The following USP25 variants were observed in gnomAD, a reference collection of about 807,000 sequenced individuals.
USP25 encodes ubiquitin carboxyl-terminal hydrolase 25.
USP25 carries 85 observed loss-of-function variants against 158.5 expected under a neutral mutation model. That is an observed-to-expected ratio of 0.54 (90% CI 0.45 to 0.64). The LOEUF (loss-of-function observed/expected upper bound fraction) is 0.64, where lower values mean the gene tolerates loss of function less well. USP25 is among the 30% of genes least tolerant of loss of function. USP25 has a pLI of 0.00. For synonymous variants in USP25, 464 were observed against 460.4 expected, an observed-to-expected ratio of 1.01 and a Z score of -0.10; for missense variants, 1,242 against 1,327.3, an observed-to-expected ratio of 0.94 and a Z score of 1.00.
At chr21:15,740,114 G>T (rs2031896318) in intron 1 of USP25, among the ~76,000 whole-genome samples, 1 of 152,152 alleles carries the variant, frequency 6.6e-6, no homozygotes, top group African/African-American at 2.4e-5. Context: ...GGTTTTTATG[G>T]ACTGTCTTAA....
chr21:15,839,456 C>T (rs1165152918), intron 17 of USP25, among the ~76,000 whole-genome samples: 5 of 152,088 alleles, frequency 3.3e-5, no homozygotes, highest in African/African-American at 1.2e-4. Flanking sequence ...CGTGAGCCTT[C>T]CATACAGAAC....
rs1300805421 is a variant in USP25, at chr21:15,849,806, TATC to T, written c.2484_2486del (p.Ile828del). On this transcript the variant is annotated inframe_deletion, in exon 20 of 26. Transcript: ENST00000400183. ...TGATGACACCGAACATGCAAGGTATTATCATGGCGATAGGTAAATCCAGGAGTG... is the reference window on the plus strand; with the variant it reads ...TGATGACACCGAACATGCAAGGTATTATGGCGATAGGTAAATCCAGGAGTG... 6 of 1,544,352 alleles carry T rather than the reference TATC, an allele frequency of 3.9e-6. No homozygotes were observed. In the African/African-American group the frequency reaches 5.5e-5, roughly 14 times the overall value.
At chr21:15,778,985 T>G (rs1475360423) in intron 4 of USP25, among the ~76,000 whole-genome samples, 6 of 152,106 alleles carry the variant, frequency 3.9e-5, no homozygotes, top group Non-Finnish European at 8.8e-5. Context: ...CAATAGGAGA[T>G]TTCTTTCCAA....
intron 1 of USP25, among the ~76,000 whole-genome samples, chr21:15,758,250 C>G (rs1348025301): frequency 6.6e-6 from 1 of 152,160 alleles, no homozygotes; most frequent in Admixed American, 6.5e-5. Context: ...TTAGTCTGTT[C>G]TCACGCTGCT....
rs186087844 is a variant in USP25, at chr21:15,840,486, A to T, written c.2195-1912A>T. On this transcript the variant is annotated intron_variant, in intron 17 of 25. Transcript: ENST00000400183. ...AATGCAATTTGAATTTTTTGTTTCC[A>T]ATCTCCCAGGGTGTCAAATATTGTA... Among the ~76,000 whole-genome samples the T allele has an allele frequency of 3.3e-3, 502 of 152,246 alleles. 2 individuals are homozygous for T. Among genetic ancestry groups the T allele is most frequent in the Admixed American group, 5.4e-3 (83 of 15,276 alleles).
At chr21:15,846,154 ATATATTT>A (rs2038598332) in intron 18 of USP25, among the ~76,000 whole-genome samples, 3 of 43,548 alleles carry the variant, frequency 6.9e-5, no homozygotes, top group African/African-American at 2.3e-4. Context: ...ATATATATAT[ATATATTT>A]TTTTTTTTTT....
In USP25 at chr21:15,878,792, C is replaced by T. The variant is rs565255574; in HGVS notation, c.*317C>T. ...TTATCTTTTCTTTCTCAACAGCTTT[C>T]CATTCAGTCTGGATCCTTCCATGAC... On this transcript the variant is annotated 3_prime_UTR_variant, in exon 26 of 26. Transcript: ENST00000400183. 9 of 233,774 alleles carry T rather than the reference C, an allele frequency of 3.8e-5. No individual in the cohort carries two copies. The highest frequency in any genetic ancestry group is 1.6e-3 in the Middle Eastern group (1 of 628). 14.5% of individuals were successfully genotyped at this position (233,774 alleles called of 1,614,324 possible). A position where few individuals can be genotyped will look rare whatever the true frequency, so the allele number is the denominator to read the frequency against.
intron 7 of USP25, among the ~76,000 whole-genome samples, chr21:15,806,626 G>A (rs573662563): frequency 3.3e-5 from 5 of 152,226 alleles, no homozygotes; most frequent in Non-Finnish European, 7.4e-5. Context: ...GATTAGCAGT[G>A]TAGACTAACT....
chr21:15,854,136 G>GTTTGTTTTGT (rs755597116), intron 20 of USP25, among the ~76,000 whole-genome samples: 60 of 149,250 alleles, frequency 4.0e-4, no homozygotes, highest in Middle Eastern at 3.4e-3. Context: ...GGGAAAAGTT[G>GTTTGTTTTGT]TTTGTTTTGT....
intron 10 of USP25, among the ~76,000 whole-genome samples, chr21:15,820,853 T>C (rs538410290): frequency 6.6e-6 from 1 of 152,078 alleles, no homozygotes; most frequent in African/African-American, 2.4e-5. Context: ...CCAACTAATA[T>C]ATAGGAAGAC....
In USP25 at chr21:15,866,344, G is replaced by A. The variant is rs377745298; in HGVS notation, c.2805G>A (p.Glu935=). The change falls in exon 22 of 26, where the codon GAG becomes GAA. Residue 935 remains glutamate, a splice_region_variant and synonymous_variant. Coordinates refer to ENST00000400183, the MANE Select transcript of USP25 (RefSeq NM_001283041.3). ...AAGAAGTAAACTTGGAGGAATATGAGGTAATGTGCTTTCTTAGAGGTTAAA... is the reference window on the plus strand; with the variant it reads ...AAGAAGTAAACTTGGAGGAATATGAAGTAATGTGCTTTCTTAGAGGTTAAA... The part of the protein sequence containing the change: ...KPEEVNLEEY[E]EWHQDYRKFR... The A allele has an allele frequency of 9.4e-6, 15 of 1,597,946 alleles. No individual in the cohort carries two copies. The highest frequency in any genetic ancestry group is 1.3e-5 in the Non-Finnish European group (15 of 1,172,630).
chr21:15,760,262 T>G (rs1438154183), intron 1 of USP25, among the ~76,000 whole-genome samples: 2 of 152,216 alleles, frequency 1.3e-5, no homozygotes, highest in Admixed American at 6.5e-5. Context: ...TCTCATTCAT[T>G]TGGGAGACAC....
intron 7 of USP25, chr21:15,805,743 A>G (rs1174006389): frequency 6.6e-6 from 1 of 152,214 alleles, no homozygotes; most frequent in South Asian, 2.1e-4. Flanking sequence ...TAAAAAATAC[A>G]AAATATCTAT....
Position 15,830,536 on chromosome 21 carries a change from C to T in USP25, c.1699C>T (p.Gln567Ter). ...TEIENDTRDL[Q>*]ESISRIHRTI... ...ATGACACCTTATATCCTTAGATTTG[C>T]AGGAAAGCATATCCAGAATCCATCG... Residue 567 changes from glutamine to a stop codon, truncating the protein, a stop_gained, in exon 15 of 26, where the codon CAG becomes TAG. Transcript: ENST00000400183. LOFTEE classifies it high-confidence loss of function. 6.2e-7 allele frequency: 1 copy of T among 1,603,294 alleles called. No homozygotes were observed. The highest frequency in any genetic ancestry group is 8.5e-7 in the Non-Finnish European group (1 of 1,175,198).
intron 1 of USP25, among the ~76,000 whole-genome samples, chr21:15,759,960 G>A (rs1211891615): frequency 6.6e-6 from 1 of 152,172 alleles, no homozygotes; most frequent in Non-Finnish European, 1.5e-5. Context: ...GACTTTGTTT[G>A]TGTACTTTAT....
At chr21:15,867,761 T>G (rs1377477150) in intron 22 of USP25, among the ~76,000 whole-genome samples, 1 of 152,090 alleles carries the variant, frequency 6.6e-6, no homozygotes, top group Admixed American at 6.6e-5. Flanking sequence ...TTTACAATAG[T>G]ATCTGAAACT....
At chr21:15,828,672 T>C (rs920790580) in intron 14 of USP25, among the ~76,000 whole-genome samples, 6 of 152,212 alleles carry the variant, frequency 3.9e-5, no homozygotes, top group African/African-American at 9.6e-5. Context: ...GGAGTCTCGC[T>C]CTGTCACCAG....
In USP25 at chr21:15,878,526, C is replaced by A; in HGVS notation, c.*51C>A. 1 of 1,531,766 alleles carries A rather than the reference C, an allele frequency of 6.5e-7. No homozygotes were observed. The highest frequency in any genetic ancestry group is 8.8e-7 in the Non-Finnish European group (1 of 1,135,746). The allele number at this position is 1,531,766 out of a possible 1,614,324, so 94.9% of individuals were successfully genotyped here. Reference sequence around the variant, plus strand: ...GTATAAACTCTTTTTAGTTCTTAACCCTTGCCTTCCTGTCACAGGGTTTGC... The same window carrying A: ...GTATAAACTCTTTTTAGTTCTTAACACTTGCCTTCCTGTCACAGGGTTTGC... On this transcript the variant is annotated 3_prime_UTR_variant, in exon 26 of 26. Transcript: ENST00000400183.
intron 1 of USP25, among the ~76,000 whole-genome samples, chr21:15,736,009 T>C (rs755952069): frequency 6.6e-6 from 1 of 151,770 alleles, no homozygotes; most frequent in Non-Finnish European, 1.5e-5. Flanking sequence ...TGTGTATGTA[T>C]GTACATATAT....
Sources: allele counts gnomAD v4.1 joint callset (sites outside exome capture counted in the v4.1 genomes callset), GRCh38; gene constraint gnomAD v4.1.1; transcripts MANE v1.5; gene names NCBI Gene and HGNC (gene_info 2026-07-23, HGNC 2026-07-21).